Variants in BARD1 observed in about 807,000 individuals in gnomAD.
The protein encoded by BARD1 is BRCA1-associated RING domain protein 1.
In BARD1, 73 loss-of-function variants were observed where a neutral mutation model predicts 77.0. The ratio of observed to expected loss-of-function variants is 0.95; its 90% CI spans 0.79 to 1.15. The LOEUF is 1.15. BARD1 is among the 50% of genes most tolerant of loss of function. The pLI is 0.00. For synonymous variants in BARD1, 384 were observed against 338.0 expected (o/e 1.14, Z -1.49); for missense variants, 993 against 938.8 (o/e 1.06, Z -0.75).
intron 6 of BARD1, among the ~76,000 whole-genome samples, chr2:214,754,125 C>T (rs1176136400): frequency 6.6e-6 from 1 of 152,046 alleles, no homozygotes; most frequent in Non-Finnish European, 1.5e-5. Context: ...AATCTCCTCA[C>T]CCACATATGC....
At chr2:214,740,218 T>C (rs1291743721) in intron 9 of BARD1, among the ~76,000 whole-genome samples, 2 of 152,076 alleles carry the variant, frequency 1.3e-5, no homozygotes, top group African/African-American at 2.4e-5. Context: ...AATCACCATA[T>C]TCAAATGTAT....
At chr2:214,749,008 ATACAT>A (rs1254339045) in intron 7 of BARD1, among the ~76,000 whole-genome samples, 1 of 152,134 alleles carries the variant, frequency 6.6e-6, no homozygotes, top group Admixed American at 6.6e-5. Context: ...GAAAATAAAA[ATACAT>A]TACATCAAAT....
chr2:214,791,942 C>T (rs1404917030), intron 3 of BARD1, among the ~76,000 whole-genome samples: 1 of 152,074 alleles, frequency 6.6e-6, no homozygotes, highest in African/African-American at 2.4e-5. Context: ...AAGGTTATTT[C>T]ACCTCTCTGG....
chr2:214,735,034 TACTTA>T (rs1465318386), intron 9 of BARD1, among the ~76,000 whole-genome samples: 1 of 152,214 alleles, frequency 6.6e-6, no homozygotes, highest in African/African-American at 2.4e-5. Context: ...AACTGATCAA[TACTTA>T]ACTTTGTTTT....
At chr2:214,742,386 T>C (rs942302334) in intron 9 of BARD1, among the ~76,000 whole-genome samples, 1 of 152,158 alleles carries the variant, frequency 6.6e-6, no homozygotes, top group Non-Finnish European at 1.5e-5. Flanking sequence ...GTATAGAAAC[T>C]ATGAGAAATA....
intron 1 of BARD1, among the ~76,000 whole-genome samples, chr2:214,803,486 C>T (rs534486499): frequency 4.4e-4 from 67 of 152,192 alleles, no homozygotes; most frequent in Non-Finnish European, 7.8e-4. Context: ...GTGGGACGTG[C>T]GGGCAGCAAT....
intron 7 of BARD1, among the ~76,000 whole-genome samples, chr2:214,752,205 C>T (rs1388940357): frequency 6.6e-6 from 1 of 152,216 alleles, no homozygotes; most frequent in African/African-American, 2.4e-5. Context: ...AATAAGAGTT[C>T]TACCAGTCAT....
chr2:214,774,216 A>T (rs989773879), intron 4 of BARD1, among the ~76,000 whole-genome samples: 4 of 152,126 alleles, frequency 2.6e-5, no homozygotes, highest in Admixed American at 1.3e-4. Flanking sequence ...AACTGTAATC[A>T]ACTCTTTTCC....
intron 9 of BARD1, among the ~76,000 whole-genome samples, chr2:214,741,840 T>C (rs1288866584): frequency 6.6e-6 from 1 of 152,100 alleles, no homozygotes; most frequent in Non-Finnish European, 1.5e-5. Context: ...TGTAGGAAAA[T>C]AAGAGATATT....
In BARD1 at chr2:214,769,277, A is replaced by G. The variant is rs876660753; in HGVS notation, c.1350T>C (p.Asn450=). 1.2e-6 allele frequency: 2 copies of G among 1,613,842 alleles called. No homozygotes were observed. Among genetic ancestry groups the G allele is most frequent in the Non-Finnish European group, 1.7e-6 (2 of 1,179,750 alleles). ...DIPSVEYLLQ[N]GSDPNVKDHA... Reference sequence around the variant, plus strand: ...GGTCTTTAACATTTGGATCACTTCCATTTTGTAAAAGGTATTCAACAGAAG... The same window carrying G: ...GGTCTTTAACATTTGGATCACTTCCGTTTTGTAAAAGGTATTCAACAGAAG... Residue 450 remains asparagine (N), a synonymous_variant, in exon 5 of 11, where the codon AAT becomes AAC. Coordinates refer to ENST00000260947, the MANE Select transcript of BARD1 (RefSeq NM_000465.4).
intron 9 of BARD1, among the ~76,000 whole-genome samples, chr2:214,740,814 G>A (rs780243546): frequency 3.3e-5 from 5 of 151,962 alleles, no homozygotes; most frequent in Non-Finnish European, 7.4e-5. Context: ...TAGATCAAAG[G>A]ATGTTATTTT....
chr2:214,797,172 C>A, intron 1 of BARD1, 55 bp from the exon 2 acceptor site: 1 of 1,345,312 alleles, frequency 7.4e-7, no homozygotes, highest in Non-Finnish European at 1.1e-6. Flanking sequence ...ATAAACATCT[C>A]ACACCCAATA....
At chr2:214,751,669 T>C (rs1211434710) in intron 7 of BARD1, among the ~76,000 whole-genome samples, 1 of 152,184 alleles carries the variant, frequency 6.6e-6, no homozygotes, top group Non-Finnish European at 1.5e-5. Flanking sequence ...CTCCAGACTT[T>C]CATATCCAAT....
intron 3 of BARD1, 136 bp downstream of exon 3, chr2:214,792,161 A>C (rs1351923650): frequency 3.1e-6 from 3 of 957,116 alleles, no homozygotes; most frequent in East Asian, 5.5e-5. Context: ...AAAAAAAAAA[A>C]AAAAAAACCT....
chr2:214,759,437 T>A (rs78609564), intron 6 of BARD1, among the ~76,000 whole-genome samples: 2,244 of 152,254 alleles, frequency 0.015, 13 homozygotes, highest in Middle Eastern at 0.031. Context: ...TTTTGAACAG[T>A]TATAAATACT....
At chr2:214,792,246 A>G (rs1245424567) in intron 3 of BARD1, 51 bp downstream of exon 3, 1 of 1,548,896 alleles carries the variant, frequency 6.5e-7, no homozygotes, top group Non-Finnish European at 8.9e-7. Flanking sequence ...ATATGAATTC[A>G]TCAGTTTTTA....
intron 4 of BARD1, among the ~76,000 whole-genome samples, chr2:214,772,363 C>G (rs1172342358): frequency 6.6e-6 from 1 of 151,994 alleles, no homozygotes; most frequent in African/African-American, 2.4e-5. Context: ...CTGCCAGAAC[C>G]ACACACATTC....
At chr2:214,801,394 T>C (rs1164758096) in intron 1 of BARD1, among the ~76,000 whole-genome samples, 2 of 152,232 alleles carry the variant, frequency 1.3e-5, no homozygotes, top group African/African-American at 4.8e-5. Context: ...CTGAAGAAGA[T>C]TCACACTTAT....
At chr2:214,730,777 T>C (rs1480418877) in intron 9 of BARD1, 2 of 489,334 alleles carry the variant, frequency 4.1e-6, no homozygotes, top group Non-Finnish European at 3.8e-6. Flanking sequence ...TTTAATCTCC[T>C]TTCTGAAAAA....
Sources: allele counts gnomAD v4.1 joint callset (sites outside exome capture counted in the v4.1 genomes callset), GRCh38; gene constraint gnomAD v4.1.1; transcripts MANE v1.5; gene names NCBI Gene and HGNC (gene_info 2026-07-23, HGNC 2026-07-21).